Variants in RAPGEF1 observed in about 807,000 individuals in gnomAD.
RAPGEF1 encodes the protein Rap guanine nucleotide exchange factor 1.
A neutral mutation model predicts 143.3 loss-of-function variants in RAPGEF1; 33 were observed. The observed-to-expected ratio is 0.23, with a 90% CI of 0.17 to 0.31. The LOEUF (loss-of-function observed/expected upper bound fraction) is 0.31, where lower values mean the gene tolerates loss of function less well. RAPGEF1 is among the 10% of genes least tolerant of loss of function. The probability of loss-of-function intolerance (pLI) is 1.00; values close to 1 mark genes in which losing one functional copy is unlikely to be tolerated. For synonymous variants in RAPGEF1, 629 were observed against 676.5 expected (o/e 0.93, Z 1.09); for missense variants, 1,199 against 1,645.4 (o/e 0.73, Z 4.69).
Position 131,628,190 on chromosome 9 carries a change from G to T in RAPGEF1, c.1018-94C>A. ...CAACCGGTGCATTTACTTAGAGAAG[G>T]AAATACTGCCAGGCGAACTCAGAAA... On this transcript the variant is annotated intron_variant, in intron 8 of 26. Transcript: ENST00000683357. This position sits in a 1 kb window ranked among gnomAD's most constrained non-coding sequence, Gnocchi z 5.7. 1 of 1,195,026 alleles carries T rather than the reference G, an allele frequency of 8.4e-7. No homozygotes were observed. The highest frequency in any genetic ancestry group is 1.1e-6 in the Non-Finnish European group (1 of 879,032). The allele number at this position is 1,195,026 out of a possible 1,614,324, so 74.0% of individuals were successfully genotyped here.
At chr9:131,672,662 A>G (rs1831598737) in intron 1 of RAPGEF1, among the ~76,000 whole-genome samples, 1 of 152,240 alleles carries the variant, frequency 6.6e-6, no homozygotes, top group African/African-American at 2.4e-5. Flanking sequence ...CCCAGGGCAC[A>G]TGGGAAGTGA....
chr9:131,632,536 T>C (rs970733587), intron 5 of RAPGEF1, among the ~76,000 whole-genome samples: 2 of 152,190 alleles, frequency 1.3e-5, no homozygotes, highest in African/African-American at 2.4e-5. Context: ...AGATTACGTA[T>C]CATTAATGTG....
intron 1 of RAPGEF1, among the ~76,000 whole-genome samples, chr9:131,734,310 T>C (rs1213925053): frequency 6.6e-6 from 1 of 152,202 alleles, no homozygotes; most frequent in Non-Finnish European, 1.5e-5. Flanking sequence ...AAAAGAGGGA[T>C]ACTCCGCCCT....
intron 1 of RAPGEF1, among the ~76,000 whole-genome samples, chr9:131,731,621 C>G (rs1379032498): frequency 5.3e-5 from 8 of 152,178 alleles, no homozygotes. Context: ...TCGCATCTGT[C>G]AGGTCCACAT....
chr9:131,598,038 C>G (rs1363318211), intron 16 of RAPGEF1, among the ~76,000 whole-genome samples, 161 bp downstream of exon 16: 1 of 152,188 alleles, frequency 6.6e-6, no homozygotes, highest in African/African-American at 2.4e-5. Flanking sequence ...GAGTCTACCC[C>G]TCCAGAGCCC....
At chr9:131,664,557 AAC>A (rs1830128327) in intron 1 of RAPGEF1, among the ~76,000 whole-genome samples, 1 of 140,210 alleles carries the variant, frequency 7.1e-6, no homozygotes, top group South Asian at 2.3e-4. Flanking sequence ...TCCCTTCCAC[AAC>A]AGTGAGAACC....
chr9:131,726,973 T>G (rs1454761412), intron 1 of RAPGEF1, among the ~76,000 whole-genome samples: 1 of 152,038 alleles, frequency 6.6e-6, no homozygotes, highest in Non-Finnish European at 1.5e-5. Flanking sequence ...CACTGCACTC[T>G]AGCCTGGGTG....
chr9:131,716,985 G>A (rs1279631024), intron 1 of RAPGEF1, among the ~76,000 whole-genome samples: 3 of 152,048 alleles, frequency 2.0e-5, no homozygotes, highest in Non-Finnish European at 2.9e-5. Flanking sequence ...CCTCTCCAGC[G>A]AGTCAAAGGA....
At position 131,584,333 on chromosome 9, in the gene RAPGEF1, T is replaced by C. The variant is rs765150170; in HGVS notation, c.3392A>G (p.Glu1131Gly). The change falls in exon 24 of 27, where the codon GAG (glutamate) becomes GGG (glycine). Residue 1131 changes from glutamate to glycine, a missense_variant. Transcript: ENST00000683357. The surrounding 1 kb of genome is among the most constrained non-coding windows in gnomAD (Gnocchi z 6.8). ...ALDSAPIRRL[E>G]WQKQTSEGLA... ...CACCTCTGAAGTCTGCTTCTGCCAC[T>C]CCAGCCTGCGGATGGGCGCCGAGTC... 52 of 1,612,436 alleles carry C rather than the reference T, an allele frequency of 3.2e-5. No homozygotes were observed. In the Admixed American group the frequency reaches 8.4e-4, roughly 26 times the overall value.
rs149111493 is a variant in RAPGEF1 at position 131,608,139 on chromosome 9, A to C, written c.2062-2951T>G. 6.3e-3 allele frequency among the ~76,000 whole-genome samples: 956 copies of C among 152,286 alleles called. 7 individuals carry two copies. The highest frequency in any genetic ancestry group is 0.01 in the Non-Finnish European group (688 of 68,018). On this transcript the variant is annotated intron_variant, in intron 12 of 26. Transcript: ENST00000683357. ...CTGTTCATCTTTAAAACGGGGATGA[A>C]AACAATAGCCCCTCCCCCATAAGGT...
At chr9:131,595,987 T>C (rs1345409222) in intron 17 of RAPGEF1, among the ~76,000 whole-genome samples, 1 of 152,232 alleles carries the variant, frequency 6.6e-6, no homozygotes, top group East Asian at 1.9e-4. Context: ...TTAGTACTAC[T>C]GGGTGACATG....
At chr9:131,643,799 T>C (rs1968739720) in intron 3 of RAPGEF1, among the ~76,000 whole-genome samples, 1 of 152,184 alleles carries the variant, frequency 6.6e-6, no homozygotes, top group Non-Finnish European at 1.5e-5. Flanking sequence ...CCATGGTACA[T>C]CTGTATCCTG....
At chr9:131,625,783 G>C in intron 10 of RAPGEF1, 139 bp downstream of exon 10, 1 of 1,157,244 alleles carries the variant, frequency 8.6e-7, no homozygotes, top group Non-Finnish European at 1.2e-6. Flanking sequence ...GCTCCCAGAA[G>C]TGTCCACATA....
At chr9:131,635,804 C>T (rs1966226320) in intron 5 of RAPGEF1, among the ~76,000 whole-genome samples, 1 of 152,160 alleles carries the variant, frequency 6.6e-6, no homozygotes, top group South Asian at 2.1e-4. Flanking sequence ...CCACCTGAGC[C>T]TGAGTCTCCA....
chr9:131,615,173 C>T (rs188609388), intron 12 of RAPGEF1, among the ~76,000 whole-genome samples: 48 of 152,312 alleles, frequency 3.2e-4, no homozygotes, highest in Middle Eastern at 6.8e-3. Context: ...CCTGGGTTCA[C>T]GCCATTCTCC....
intron 1 of RAPGEF1, among the ~76,000 whole-genome samples, chr9:131,726,250 A>G (rs1204259705): frequency 6.6e-6 from 1 of 152,212 alleles, no homozygotes; most frequent in African/African-American, 2.4e-5. Flanking sequence ...AAGTCAGTAC[A>G]GAGTAAAAGG....
chr9:131,601,795 T>C (rs1340478934), intron 15 of RAPGEF1, among the ~76,000 whole-genome samples: 1 of 151,854 alleles, frequency 6.6e-6, no homozygotes, highest in Non-Finnish European at 1.5e-5. Flanking sequence ...TAGTCCCAGC[T>C]ATCTGGGAGG....
intron 26 of RAPGEF1, 115 bp downstream of exon 26, chr9:131,580,148 G>C: frequency 7.4e-7 from 1 of 1,356,580 alleles, no homozygotes; most frequent in Non-Finnish European, 1.0e-6. Context: ...TCTCAGCAGT[G>C]GCAGGTCCCT....
chr9:131,622,393 C>A (rs1396203632), intron 10 of RAPGEF1, among the ~76,000 whole-genome samples: 1 of 152,180 alleles, frequency 6.6e-6, no homozygotes, highest in Non-Finnish European at 1.5e-5. Flanking sequence ...GGTGGCTCTG[C>A]AGTGCTAAAT....
Sources: gnomAD v4.1 joint callset for allele counts (sites outside exome capture counted in the v4.1 genomes callset) on GRCh38, gnomAD v4.1.1 for gene constraint, Gnocchi (gnomAD v3.1) non-coding constraint, MANE v1.5 for transcripts, NCBI Gene and HGNC (gene_info 2026-07-23, HGNC 2026-07-21) for gene names.